The following KCNC2 variants were observed in gnomAD, a reference collection of about 807,000 sequenced individuals.
KCNC2 encodes potassium voltage-gated channel subfamily C member 2.
KCNC2 carries 21 observed loss-of-function variants against 44.5 expected under a neutral mutation model. The observed-to-expected ratio is 0.47, with a 90% CI of 0.33 to 0.68. KCNC2 has a LOEUF of 0.68. KCNC2 is among the 30% of genes least tolerant of loss of function. The pLI is 0.01. For missense variants in KCNC2, 589 were observed against 826.2 expected, an observed-to-expected ratio of 0.71 and a Z score of 3.52; for synonymous variants, 391 against 339.1, an observed-to-expected ratio of 1.15 and a Z score of -1.68.
At chr12:75,068,295 T>C (rs1467093144) in intron 2 of KCNC2, among the ~76,000 whole-genome samples, 1 of 152,184 alleles carries the variant, frequency 6.6e-6, no homozygotes, top group East Asian at 1.9e-4. Context: ...AAAATCGGTC[T>C]ATGTTTTTGT....
At chr12:75,171,030 C>A (rs1891781041) in intron 2 of KCNC2, among the ~76,000 whole-genome samples, 2 of 150,938 alleles carry the variant, frequency 1.3e-5, no homozygotes, top group Non-Finnish European at 3.0e-5. Context: ...TCTTAACCAC[C>A]TGGGCCTCTC....
intron 2 of KCNC2, among the ~76,000 whole-genome samples, chr12:75,201,428 G>A (rs554206350): frequency 1.3e-5 from 2 of 151,670 alleles, no homozygotes; most frequent in Non-Finnish European, 3.0e-5. Context: ...CAAAATTTTA[G>A]AGCTGAAGTT....
intron 2 of KCNC2, among the ~76,000 whole-genome samples, chr12:75,101,867 T>C (rs1886398451): frequency 6.6e-6 from 1 of 152,094 alleles, no homozygotes; most frequent in African/African-American, 2.4e-5. Flanking sequence ...TGAGATTTCA[T>C]TTAAGAGGAA....
chr12:75,062,427 T>TTA (rs1882438710), intron 2 of KCNC2, among the ~76,000 whole-genome samples: 1 of 152,256 alleles, frequency 6.6e-6, no homozygotes, highest in South Asian at 2.1e-4. Flanking sequence ...TTCTAGATTT[T>TTA]TATATATAGT....
At chr12:75,194,315 G>C (rs2030566045) in intron 2 of KCNC2, among the ~76,000 whole-genome samples, 1 of 152,096 alleles carries the variant, frequency 6.6e-6, no homozygotes, top group Non-Finnish European at 1.5e-5. Flanking sequence ...AGGGGAAGGG[G>C]ATCATCATGT....
intron 2 of KCNC2, among the ~76,000 whole-genome samples, chr12:75,171,202 A>G (rs968619522): frequency 6.6e-6 from 1 of 151,750 alleles, no homozygotes; most frequent in Non-Finnish European, 1.5e-5. Flanking sequence ...GTTAAACTCA[A>G]CTGATTAGGA....
chr12:75,183,036 C>A (rs1892710959), intron 2 of KCNC2, among the ~76,000 whole-genome samples: 2 of 152,172 alleles, frequency 1.3e-5, no homozygotes, highest in Admixed American at 6.5e-5. Context: ...CCTTCTGTCC[C>A]CAAACTGATG....
In KCNC2 at chr12:75,207,802, A is replaced by G; in HGVS notation, c.182T>C (p.Leu61Pro). The G allele has an allele frequency of 6.3e-7, 1 of 1,599,986 alleles. No homozygotes were observed. Among genetic ancestry groups the G allele is most frequent in the Non-Finnish European group, 8.5e-7 (1 of 1,174,992 alleles). ...GDKLQPSPPP[L>P]SPPPRAPPLS... ...CGGGGGCGCTCTCGGCGGCGGCGAC[A>G]GTGGAGGCGGCGACGGCTGCAGCTT... Residue 61 changes from leucine (L) to proline (P), a missense_variant, in exon 2 of 5, where the codon CTG (leucine) becomes CCG (proline). Around this residue, in one of 7 missense-constraint regions of KCNC2, gnomAD observed 148 missense variants for 140.1 expected, o/e 1.06. Transcript: ENST00000549446. This position sits in a 1 kb window ranked among gnomAD's most constrained non-coding sequence, Gnocchi z 4.1.
At chr12:75,135,894 T>C (rs923449635) in intron 2 of KCNC2, among the ~76,000 whole-genome samples, 29 of 152,042 alleles carry the variant, frequency 1.9e-4, no homozygotes. Context: ...TAATTTAGCA[T>C]GGTTTTCCCC....
At chr12:75,094,260 C>G (rs1414062932) in intron 2 of KCNC2, among the ~76,000 whole-genome samples, 2 of 151,566 alleles carry the variant, frequency 1.3e-5, no homozygotes, top group East Asian at 3.9e-4. Flanking sequence ...CACCTGCTGC[C>G]CATACACTAA....
At chr12:75,140,347 G>A (rs541851542) in intron 2 of KCNC2, among the ~76,000 whole-genome samples, 1 of 152,316 alleles carries the variant, frequency 6.6e-6, no homozygotes, top group East Asian at 1.9e-4. Flanking sequence ...AATGTGGATA[G>A]ATAGGTGTGA....
chr12:75,192,322 G>A (rs1340151029), intron 2 of KCNC2, among the ~76,000 whole-genome samples: 1 of 152,194 alleles, frequency 6.6e-6, no homozygotes, highest in East Asian at 1.9e-4. Flanking sequence ...GACAATCAGT[G>A]CCATCTATTA....
chr12:75,143,096 T>G (rs916118131), intron 2 of KCNC2, among the ~76,000 whole-genome samples: 2 of 152,120 alleles, frequency 1.3e-5, no homozygotes, highest in African/African-American at 2.4e-5. Flanking sequence ...CCTTTAGAAA[T>G]GATGATGTTA....
At chr12:75,059,013 T>G (rs1479430598) in intron 2 of KCNC2, among the ~76,000 whole-genome samples, 2 of 152,032 alleles carry the variant, frequency 1.3e-5, no homozygotes, top group African/African-American at 4.8e-5. Flanking sequence ...TATTCAGATG[T>G]ATGAGCAGCA....
At chr12:75,144,948 T>TAA (rs954009010) in intron 2 of KCNC2, among the ~76,000 whole-genome samples, 3 of 144,438 alleles carry the variant, frequency 2.1e-5, no homozygotes, top group African/African-American at 7.6e-5. Context: ...GATGAGAGAG[T>TAA]AAAAAAAAAA....
chr12:75,072,636 T>A (rs899560005), intron 2 of KCNC2, among the ~76,000 whole-genome samples: 4 of 150,626 alleles, frequency 2.7e-5, no homozygotes, highest in Non-Finnish European at 1.5e-5. Flanking sequence ...AAGTCCCATA[T>A]AAAAAAAAAG....
At chr12:75,065,429 T>G (rs1882735890) in intron 2 of KCNC2, among the ~76,000 whole-genome samples, 1 of 152,130 alleles carries the variant, frequency 6.6e-6, no homozygotes, top group South Asian at 2.1e-4. Context: ...TAGAGTTAAA[T>G]GTTCATAACT....
intron 2 of KCNC2, among the ~76,000 whole-genome samples, chr12:75,151,327 G>A (rs1890378149): frequency 6.6e-6 from 1 of 151,994 alleles, no homozygotes. Context: ...CAAGTTTGCA[G>A]TTGGAATTCA....
chr12:75,068,733 C>T (rs1883087222), intron 2 of KCNC2, among the ~76,000 whole-genome samples: 2 of 148,680 alleles, frequency 1.3e-5, no homozygotes, highest in African/African-American at 5.3e-5. Flanking sequence ...TAAAATAGGT[C>T]TTTGGGTTTG....
Sources: gnomAD v4.1 joint callset for allele counts (sites outside exome capture counted in the v4.1 genomes callset) on GRCh38, gnomAD v4.1.1 for gene constraint, gnomAD v4.1.1 regional missense constraint, Gnocchi (gnomAD v3.1) non-coding constraint, MANE v1.5 for transcripts, NCBI Gene and HGNC (gene_info 2026-07-23, HGNC 2026-07-21) for gene names.